The following SV2C variants were observed in gnomAD, a reference collection of about 807,000 sequenced individuals.
SV2C encodes the protein synaptic vesicle glycoprotein 2C.
In SV2C, 49 loss-of-function variants were observed where a neutral mutation model predicts 79.7. That is an observed-to-expected ratio of 0.61 (90% CI 0.49 to 0.78). The LOEUF is 0.78. SV2C is among the 30% of genes least tolerant of loss of function. The probability of loss-of-function intolerance (pLI) is 0.00; values close to 1 mark genes in which losing one functional copy is unlikely to be tolerated. For synonymous variants in SV2C, 334 were observed against 333.2 expected, an observed-to-expected ratio of 1.00 and a Z score of -0.03; for missense variants, 833 against 912.9, an observed-to-expected ratio of 0.91 and a Z score of 1.13.
intron 2 of SV2C, among the ~76,000 whole-genome samples, chr5:76,149,559 T>A (rs1749537491): frequency 6.6e-6 from 1 of 152,252 alleles, no homozygotes; most frequent in South Asian, 2.1e-4. Context: ...ACTATGTTTT[T>A]AAATAATCAG....
At chr5:76,245,194 G>A (rs1745906868) in intron 4 of SV2C, among the ~76,000 whole-genome samples, 1 of 152,090 alleles carries the variant, frequency 6.6e-6, no homozygotes, top group African/African-American at 2.4e-5. Flanking sequence ...AACTTCATGT[G>A]GCCAGGAGCT....
chr5:76,271,513 C>T (rs1199530612), intron 4 of SV2C, among the ~76,000 whole-genome samples: 1 of 151,526 alleles, frequency 6.6e-6, no homozygotes, highest in Non-Finnish European at 1.5e-5. Flanking sequence ...CTGTAGGGTA[C>T]ACAATCTTTT....
chr5:75,939,434 G>C, the SV2C span, among the ~76,000 whole-genome samples: 3 of 151,958 alleles, frequency 2.0e-5, no homozygotes, highest in African/African-American at 7.3e-5. Context: ...ATCAGACCAG[G>C]GCCCCATCCT....
Position 76,168,012 on chromosome 5 carries a change from C to T in SV2C, c.581-26907C>T, listed in dbSNP as rs192796345. On this transcript the variant is annotated intron_variant, in intron 2 of 12. Coordinates refer to ENST00000502798, the MANE Select transcript of SV2C (RefSeq NM_014979.4). ...GCTTTCTTCTTCCTTGCAATGAAAT[C>T]CAGTCGTTTGTAAATCCTGGTTAGG... 3.4e-3 allele frequency among the ~76,000 whole-genome samples: 517 copies of T among 152,262 alleles called. 2 individuals are homozygous for T. Among genetic ancestry groups the T allele is most frequent in the Admixed American group, 9.2e-3 (140 of 15,288 alleles).
chr5:75,977,157 G>A, the SV2C span, among the ~76,000 whole-genome samples: 377 of 152,234 alleles, frequency 2.5e-3, 2 homozygotes, highest in Non-Finnish European at 4.3e-3. Flanking sequence ...TTTTGTTTGG[G>A]ACTGAGCTCC....
chr5:76,307,504 G>T (rs1580055836), intron 12 of SV2C, among the ~76,000 whole-genome samples: 1 of 152,170 alleles, frequency 6.6e-6, no homozygotes, highest in East Asian at 1.9e-4. Context: ...CACTTAGCCT[G>T]AGTGACTCCA....
chr5:75,937,877 C>CTTTTT, the SV2C span, among the ~76,000 whole-genome samples: 1 of 99,832 alleles, frequency 1.0e-5, no homozygotes, highest in African/African-American at 5.3e-5. Context: ...CTAGCATTAT[C>CTTTTT]TCTTTTTTTT....
At chr5:76,229,880 G>A (rs1478374956) in intron 4 of SV2C, among the ~76,000 whole-genome samples, 1 of 152,158 alleles carries the variant, frequency 6.6e-6, no homozygotes, top group Admixed American at 6.5e-5. Flanking sequence ...CAGTCATTCT[G>A]GAGAACAATC....
At chr5:76,347,383 A>T (rs1749564438) in intron 12 of SV2C, among the ~76,000 whole-genome samples, 1 of 152,058 alleles carries the variant, frequency 6.6e-6, no homozygotes, top group Non-Finnish European at 1.5e-5. Context: ...TTAAAGGGAG[A>T]TCTGGGCTGC....
chr5:76,050,912 T>C, the SV2C span, among the ~76,000 whole-genome samples: 5 of 152,170 alleles, frequency 3.3e-5, no homozygotes, highest in African/African-American at 4.8e-5. Flanking sequence ...TACGTCCAAA[T>C]CTCCTTGTTT....
chr5:76,173,207 CTA>C (rs1265136140), intron 2 of SV2C, among the ~76,000 whole-genome samples: 1 of 149,050 alleles, frequency 6.7e-6, no homozygotes, highest in Non-Finnish European at 1.5e-5. Flanking sequence ...CTGGAGTAGT[CTA>C]TATAGGAGCT....
chr5:76,331,166 C>G lies in SV2C; in HGVS notation c.*5619C>G, dbSNP rs543882780. ...AGCCACTACACCTGGCCTAAAGTCC[C>G]GCTTTCTTCTGAGGTGTTCTTTTCA... On this transcript the variant is annotated 3_prime_UTR_variant, in exon 13 of 13. Transcript: ENST00000502798. 5.3e-5 allele frequency: 8 copies of G among 152,300 alleles called. No homozygotes were observed. Among genetic ancestry groups the G allele is most frequent in the Non-Finnish European group, 1.0e-4 (7 of 68,156 alleles). The allele number at this position is 152,300 out of a possible 1,614,324, so 9.4% of individuals were successfully genotyped here. A position where few individuals can be genotyped will look rare whatever the true frequency, so the allele number is the denominator to read the frequency against.
the SV2C span, among the ~76,000 whole-genome samples, chr5:76,048,838 T>A: frequency 5.8e-5 from 8 of 138,094 alleles, no homozygotes; most frequent in East Asian, 1.0e-3. Flanking sequence ...TTTGGGGCTG[T>A]TTAGGTGAAA....
chr5:76,350,688 G>A (rs1412571092), intron 12 of SV2C, among the ~76,000 whole-genome samples: 1 of 152,214 alleles, frequency 6.6e-6, no homozygotes, highest in Non-Finnish European at 1.5e-5. Context: ...AATGGGGAAA[G>A]ACAGACAATA....
At chr5:76,114,321 G>C (rs971616720) in intron 1 of SV2C, among the ~76,000 whole-genome samples, 9 of 152,118 alleles carry the variant, frequency 5.9e-5, no homozygotes, top group Non-Finnish European at 1.0e-4. Flanking sequence ...ATAAACAAAG[G>C]CGGCTGCTTT....
At chr5:75,899,622 G>C in the SV2C span, among the ~76,000 whole-genome samples, 1 of 152,086 alleles carries the variant, frequency 6.6e-6, no homozygotes, top group African/African-American at 2.4e-5. Context: ...GGGTACCCTT[G>C]TTAACTTTCT....
chr5:75,893,769 A>G, the SV2C span, among the ~76,000 whole-genome samples: 1 of 152,018 alleles, frequency 6.6e-6, no homozygotes, highest in Admixed American at 6.6e-5. Flanking sequence ...ATAGAAAAAA[A>G]CCATTGAGTT....
chr5:76,102,206 A>G (rs1182297922), intron 1 of SV2C, among the ~76,000 whole-genome samples: 2 of 152,130 alleles, frequency 1.3e-5, no homozygotes, highest in Non-Finnish European at 2.9e-5. Context: ...TAAATTAGCA[A>G]TTCTTTACCA....
At chr5:75,941,235 C>A in the SV2C span, among the ~76,000 whole-genome samples, 1 of 152,132 alleles carries the variant, frequency 6.6e-6, no homozygotes, top group Non-Finnish European at 1.5e-5. Context: ...TCACTTAAAT[C>A]TAAATAAACA....
Sources: gnomAD v4.1 joint callset for allele counts (sites outside exome capture counted in the v4.1 genomes callset) on GRCh38, gnomAD v4.1.1 for gene constraint, MANE v1.5 for transcripts, NCBI Gene and HGNC (gene_info 2026-07-23, HGNC 2026-07-21) for gene names.